The following SPATA6 variants were observed in gnomAD, a reference collection of about 807,000 sequenced individuals.
SPATA6 encodes the protein spermatogenesis associated 6.
SPATA6 carries 56 observed loss-of-function variants against 65.3 expected under a neutral mutation model. The ratio of observed to expected loss-of-function variants is 0.86; its 90% CI spans 0.69 to 1.07. The LOEUF is 1.07. Among genes scored for constraint, SPATA6 ranks in the 50% least tolerant of loss-of-function variants. The probability of loss-of-function intolerance (pLI) is 0.00; values close to 1 mark genes in which losing one functional copy is unlikely to be tolerated. For missense variants in SPATA6, 590 were observed against 594.8 expected (o/e 0.99, Z 0.08); for synonymous variants, 199 against 213.2 (o/e 0.93, Z 0.58).
intron 9 of SPATA6, among the ~76,000 whole-genome samples, chr1:48,365,788 C>A (rs1469630657): frequency 6.6e-6 from 1 of 151,970 alleles, no homozygotes; most frequent in Non-Finnish European, 1.5e-5. Flanking sequence ...CCTTTATTTC[C>A]TTCTCCTGCC....
At position 48,380,220 on chromosome 1, in the gene SPATA6, C is replaced by T. The variant is rs557963816; in HGVS notation, c.909+5089G>A. Among the ~76,000 whole-genome samples the T allele has an allele frequency of 2.0e-5, 3 of 152,238 alleles. No individual in the cohort carries two copies. In the South Asian group the frequency reaches 6.2e-4, roughly 32 times the overall value. ...TCATGGCTCTTTTCCATATAGAAGT[C>T]CTAAAGTGTTCTATTACTTGAATAT... On this transcript the variant is annotated intron_variant, in intron 9 of 12. Coordinates refer to ENST00000371847, the MANE Select transcript of SPATA6 (RefSeq NM_019073.4).
chr1:48,291,143 CTG>C (rs1157526270), downstream of SPATA6, among the ~76,000 whole-genome samples: 3 of 152,214 alleles, frequency 2.0e-5, no homozygotes, highest in Non-Finnish European at 4.4e-5. Context: ...TTATAACAAA[CTG>C]TCTCTCAGAC....
intron 3 of SPATA6, among the ~76,000 whole-genome samples, chr1:48,417,773 G>A (rs1029633446): frequency 7.3e-5 from 11 of 151,458 alleles, no homozygotes; most frequent in Non-Finnish European, 1.2e-4. Context: ...GCAGTGACCC[G>A]AGATCTCACC....
At chr1:48,395,157 A>G in intron 8 of SPATA6, 110 bp downstream of exon 8, 1 of 744,702 alleles carries the variant, frequency 1.3e-6, no homozygotes. Context: ...ATTATACAAT[A>G]TTATCCAATA....
the SPATA6 span, among the ~76,000 whole-genome samples, chr1:48,282,539 C>T: frequency 6.6e-6 from 1 of 152,174 alleles, no homozygotes. Context: ...TGAACAGACA[C>T]TTCTCAAAAG....
chr1:48,279,819 G>C, the SPATA6 span, among the ~76,000 whole-genome samples: 1 of 152,168 alleles, frequency 6.6e-6, no homozygotes, highest in Non-Finnish European at 1.5e-5. Flanking sequence ...AGTCAGCTCT[G>C]CACCAAGTGG....
chr1:48,286,587 C>A, the SPATA6 span, among the ~76,000 whole-genome samples: 3 of 151,994 alleles, frequency 2.0e-5, no homozygotes, highest in Non-Finnish European at 4.4e-5. Flanking sequence ...TATGATCATG[C>A]CAAATGCAAA....
chr1:48,434,239 C>T (rs1351156561), intron 3 of SPATA6, among the ~76,000 whole-genome samples: 1 of 118,756 alleles, frequency 8.4e-6, no homozygotes, highest in Non-Finnish European at 1.6e-5. Context: ...GCACTATGCA[C>T]TAGAGATACA....
intron 9 of SPATA6, among the ~76,000 whole-genome samples, chr1:48,380,273 T>C (rs1015870566): frequency 6.6e-6 from 1 of 152,224 alleles, no homozygotes; most frequent in African/African-American, 2.4e-5. Flanking sequence ...TGTACCTACA[T>C]GAAAATAATC....
chr1:48,291,552 G>T (rs138220083), downstream of SPATA6, among the ~76,000 whole-genome samples: 1,385 of 151,956 alleles, frequency 9.1e-3, 35 homozygotes, highest in African/African-American at 0.032. Flanking sequence ...CACACAGCCC[G>T]CAGACGAAAA....
At chr1:48,444,229 G>T (rs1351066090) in intron 3 of SPATA6, among the ~76,000 whole-genome samples, 1 of 151,780 alleles carries the variant, frequency 6.6e-6, no homozygotes, top group Non-Finnish European at 1.5e-5. Context: ...TATAGCTAAA[G>T]GATTGTAAAT....
intron 9 of SPATA6, among the ~76,000 whole-genome samples, chr1:48,371,556 A>G (rs183031015): frequency 1.7e-4 from 26 of 152,318 alleles, no homozygotes; most frequent in African/African-American, 4.8e-4. Flanking sequence ...ATAAACGTTC[A>G]TTTTTCCTCC....
At chr1:48,396,609 T>C (rs1570442106) in intron 7 of SPATA6, among the ~76,000 whole-genome samples, 1 of 151,760 alleles carries the variant, frequency 6.6e-6, no homozygotes, top group East Asian at 1.9e-4. Context: ...TTCTCACATA[T>C]GCTATAACAT....
intron 5 of SPATA6, among the ~76,000 whole-genome samples, chr1:48,404,757 T>C (rs1035786994): frequency 1.3e-5 from 2 of 152,232 alleles, no homozygotes; most frequent in African/African-American, 4.8e-5. Context: ...TCCTATAATG[T>C]ATCTTACATT....
chr1:48,403,038 T>C (rs1160999982), intron 6 of SPATA6, among the ~76,000 whole-genome samples: 5 of 151,982 alleles, frequency 3.3e-5, no homozygotes, highest in African/African-American at 1.2e-4. Context: ...TAGCCGCGTA[T>C]TGTGGCATGT....
chr1:48,437,194 G>A (rs1240769592), intron 3 of SPATA6: 13 of 1,611,648 alleles, frequency 8.1e-6, no homozygotes, highest in South Asian at 1.1e-5. Flanking sequence ...TGATTTTCCT[G>A]ATGAAAAAGA....
chr1:48,452,092 T>G (rs1261153124), intron 2 of SPATA6, among the ~76,000 whole-genome samples: 1 of 152,156 alleles, frequency 6.6e-6, no homozygotes, highest in Non-Finnish European at 1.5e-5. Flanking sequence ...CACATATTTA[T>G]TTGGTTATTG....
At chr1:48,342,734 G>C (rs1188000954) in intron 11 of SPATA6, among the ~76,000 whole-genome samples, 1 of 152,102 alleles carries the variant, frequency 6.6e-6, no homozygotes. Flanking sequence ...AGAGGCACCA[G>C]AGACAATTCT....
At chr1:48,281,133 AC>A in the SPATA6 span, among the ~76,000 whole-genome samples, 4 of 152,120 alleles carry the variant, frequency 2.6e-5, no homozygotes, top group Non-Finnish European at 5.9e-5. Flanking sequence ...AAATTCAACA[AC>A]CTTTCATGCT....
Sources: gnomAD v4.1 joint callset for allele counts (sites outside exome capture counted in the v4.1 genomes callset) on GRCh38, gnomAD v4.1.1 for gene constraint, MANE v1.5 for transcripts, NCBI Gene and HGNC (gene_info 2026-07-23, HGNC 2026-07-21) for gene names.